Variants in SPOCK1 observed in about 807,000 individuals in gnomAD.
SPOCK1 encodes testican-1.
Under a neutral mutation model 55.3 loss-of-function variants are expected in SPOCK1, and 23 were observed. The observed-to-expected ratio is 0.42, with a 90% CI of 0.30 to 0.59. The LOEUF (loss-of-function observed/expected upper bound fraction) is 0.59. Ranked by LOEUF, SPOCK1 falls within the 20% of genes least tolerant of loss-of-function variation. SPOCK1 has a pLI of 0.22. For synonymous variants in SPOCK1, 226 were observed against 221.0 expected (o/e 1.02, Z -0.20); for missense variants, 499 against 552.5 (o/e 0.90, Z 0.97).
chr5:137,433,624 G>A (rs766604843), intron 2 of SPOCK1, among the ~76,000 whole-genome samples: 17 of 152,258 alleles, frequency 1.1e-4, no homozygotes, highest in South Asian at 4.2e-4. Flanking sequence ...GCAAACGGGC[G>A]AACATCTCAG....
At chr5:137,162,131 C>CTTTTT (rs566233599) in intron 3 of SPOCK1, among the ~76,000 whole-genome samples, 3 of 131,812 alleles carry the variant, frequency 2.3e-5, no homozygotes, top group Non-Finnish European at 1.6e-5. Flanking sequence ...CTAATGCTTT[C>CTTTTT]TTTTTTTTTT....
At position 137,434,100 on chromosome 5, in the gene SPOCK1, T is replaced by A. The variant is rs563906177; in HGVS notation, c.186+64273A>T. ...TGAGGCTACAGATGCCATGTTTAAATCTAATTAAACAGATCCACCAAAACT... is the reference window on the plus strand; with the variant it reads ...TGAGGCTACAGATGCCATGTTTAAAACTAATTAAACAGATCCACCAAAACT... On this transcript the variant is annotated intron_variant, in intron 2 of 10. Transcript: ENST00000394945. Among the ~76,000 whole-genome samples the A allele has an allele frequency of 5.4e-4, 83 of 152,314 alleles. 1 individual carries two copies. The South Asian group carries it at 0.015, about 27-fold the overall frequency.
chr5:137,316,791 A>T (rs1256106760), intron 2 of SPOCK1, among the ~76,000 whole-genome samples: 1 of 152,200 alleles, frequency 6.6e-6, no homozygotes, highest in Non-Finnish European at 1.5e-5. Context: ...CTGCAGATCA[A>T]TTAGCCTAAC....
At chr5:137,207,707 G>T (rs1755544203) in intron 3 of SPOCK1, among the ~76,000 whole-genome samples, 1 of 152,130 alleles carries the variant, frequency 6.6e-6, no homozygotes, top group South Asian at 2.1e-4. Flanking sequence ...GATGTGCTGG[G>T]CCCTGTGCTA....
chr5:137,225,030 C>T (rs993423481), intron 3 of SPOCK1, among the ~76,000 whole-genome samples: 11 of 152,090 alleles, frequency 7.2e-5, no homozygotes, highest in African/African-American at 2.4e-4. Flanking sequence ...ACCGTTCTCC[C>T]CAAAAGCATG....
chr5:137,238,742 ACTTC>A (rs1450413087), intron 3 of SPOCK1, among the ~76,000 whole-genome samples: 1 of 152,236 alleles, frequency 6.6e-6, no homozygotes. Context: ...ACAAATATAT[ACTTC>A]CTTAACACGA....
intron 6 of SPOCK1, among the ~76,000 whole-genome samples, chr5:137,044,517 A>AT (rs747206870): frequency 6.1e-4 from 93 of 152,192 alleles, no homozygotes; most frequent in Non-Finnish European, 1.0e-3. Flanking sequence ...TAAAAGGCGT[A>AT]TTTTTTTGTA....
chr5:137,380,403 G>T (rs563422138), intron 2 of SPOCK1, among the ~76,000 whole-genome samples: 46 of 152,354 alleles, frequency 3.0e-4, no homozygotes, highest in Middle Eastern at 3.4e-3. Context: ...ATGTATGAGT[G>T]TGAGCTTCTG....
intron 3 of SPOCK1, among the ~76,000 whole-genome samples, chr5:137,199,945 A>G (rs961303624): frequency 5.3e-5 from 8 of 152,144 alleles, no homozygotes; most frequent in African/African-American, 1.9e-4. Flanking sequence ...TCCAGCAGCA[A>G]ACTCACCAAA....
intron 3 of SPOCK1, among the ~76,000 whole-genome samples, chr5:137,165,374 C>T (rs1464062056): frequency 1.3e-5 from 2 of 152,122 alleles, no homozygotes; most frequent in African/African-American, 4.8e-5. Context: ...AAGGTGTCCC[C>T]CTAAAGGATA....
intron 2 of SPOCK1, among the ~76,000 whole-genome samples, chr5:137,281,227 T>C (rs1329563256): frequency 6.6e-6 from 1 of 152,192 alleles, no homozygotes; most frequent in Non-Finnish European, 1.5e-5. Context: ...TCTGGGAAAC[T>C]ACAGCCCAGA....
intron 4 of SPOCK1, among the ~76,000 whole-genome samples, chr5:137,133,438 C>T (rs1483766420): frequency 6.6e-6 from 1 of 151,898 alleles, no homozygotes. Context: ...TGACAATGTG[C>T]AATATCTGCC....
chr5:137,039,815 CAGAGCAATGCT>C (rs1751960373), intron 6 of SPOCK1, among the ~76,000 whole-genome samples: 1 of 152,210 alleles, frequency 6.6e-6, no homozygotes, highest in Non-Finnish European at 1.5e-5. Flanking sequence ...TCTATGCACC[CAGAGCAATGCT>C]GGGTATTCAC....
At chr5:137,248,139 A>G (rs1756433578) in intron 3 of SPOCK1, among the ~76,000 whole-genome samples, 1 of 152,214 alleles carries the variant, frequency 6.6e-6, no homozygotes, top group African/African-American at 2.4e-5. Flanking sequence ...TTTTAACATT[A>G]AAAATAAAAT....
chr5:137,036,991 G>T (rs758859491), intron 6 of SPOCK1, among the ~76,000 whole-genome samples: 1 of 152,132 alleles, frequency 6.6e-6, no homozygotes, highest in Non-Finnish European at 1.5e-5. Context: ...GTGGCTGCAC[G>T]CTAATGTAGG....
intron 6 of SPOCK1, among the ~76,000 whole-genome samples, chr5:137,007,251 A>G (rs554757549): frequency 6.6e-6 from 1 of 152,334 alleles, no homozygotes; most frequent in African/African-American, 2.4e-5. Context: ...CATGACTAAA[A>G]CACCAAAAGC....
intron 2 of SPOCK1, among the ~76,000 whole-genome samples, chr5:137,388,946 C>T (rs945160497): frequency 6.6e-6 from 1 of 152,182 alleles, no homozygotes; most frequent in African/African-American, 2.4e-5. Context: ...TCATATACAG[C>T]ATTTTGCACA....
chr5:137,479,196 T>A (rs894835244), intron 2 of SPOCK1, among the ~76,000 whole-genome samples: 11 of 152,016 alleles, frequency 7.2e-5, no homozygotes, highest in Admixed American at 7.2e-4. Context: ...AGCTTGTTTA[T>A]CTGTCCCGTG....
intron 2 of SPOCK1, among the ~76,000 whole-genome samples, chr5:137,438,170 G>A (rs1473791199): frequency 6.6e-6 from 1 of 152,032 alleles, no homozygotes; most frequent in African/African-American, 2.4e-5. Flanking sequence ...GGGGCAGTGA[G>A]GGAAGAAGTA....
Sources: gnomAD v4.1 joint callset for allele counts (sites outside exome capture counted in the v4.1 genomes callset) on GRCh38, gnomAD v4.1.1 for gene constraint, MANE v1.5 for transcripts, NCBI Gene and HGNC (gene_info 2026-07-23, HGNC 2026-07-21) for gene names.